The following RPGRIP1 variants were observed in gnomAD, a reference collection of about 807,000 sequenced individuals.
RPGRIP1 encodes X-linked retinitis pigmentosa GTPase regulator-interacting protein 1.
A neutral mutation model predicts 157.9 loss-of-function variants in RPGRIP1; 128 were observed. The ratio of observed to expected loss-of-function variants is 0.81; its 90% CI spans 0.70 to 0.94. RPGRIP1 has a LOEUF of 0.94. RPGRIP1 is among the 40% of genes least tolerant of loss of function. RPGRIP1 has a pLI of 0.00. For missense variants in RPGRIP1, 1,486 were observed against 1,545.8 expected (o/e 0.96, Z 0.65); for synonymous variants, 554 against 571.6 (o/e 0.97, Z 0.44).
Position 21,326,153 on chromosome 14 carries a change from C to CAAAAAAAAAA in RPGRIP1, c.2696_2697insAAAAAAAAAA (p.Asn899LysfsTer5). ...GCCCGAGTGCCTTTACTGCCTCTTG[C>CAAAAAAAAAA]AAAAAATGAATCTATCAAAGGTGGG... On this transcript the variant is annotated frameshift_variant, in exon 17 of 25. Transcript: ENST00000400017. LOFTEE classifies it high-confidence loss of function. 2 of 1,568,394 alleles carry CAAAAAAAAAA rather than the reference C, an allele frequency of 1.3e-6. No homozygotes were observed. The highest frequency in any genetic ancestry group is 1.4e-5 in the African/African-American group (1 of 73,232).
chr14:21,320,672 T>G (rs1594201591), intron 12 of RPGRIP1, among the ~76,000 whole-genome samples: 1 of 146,086 alleles, frequency 6.8e-6, no homozygotes, highest in East Asian at 2.1e-4. Flanking sequence ...CGATCTCGGC[T>G]CACTACAGTC....
rs551718662 is a variant in RPGRIP1, at chr14:21,286,498, A to T, written c.-38-1441A>T. ...AGTAGCCATGCCAAGAGAAATGTTTAAAAAAATAAGAAATTGGGCTGGCTG... is the reference window on the plus strand; with the variant it reads ...AGTAGCCATGCCAAGAGAAATGTTTTAAAAAATAAGAAATTGGGCTGGCTG... On this transcript the variant is annotated intron_variant, in intron 1 of 24. Transcript: ENST00000400017. Among the ~76,000 whole-genome samples, 4 of 149,854 alleles carry T rather than the reference A, an allele frequency of 2.7e-5. No individual in the cohort carries two copies. In the South Asian group the frequency reaches 8.3e-4, roughly 31 times the overall value.
intron 22 of RPGRIP1, 120 bp from the exon 23 acceptor site, chr14:21,344,977 GTCCATGTTATTCTAGA>G (rs1290741946): frequency 3.6e-5 from 23 of 645,636 alleles, no homozygotes; most frequent in Middle Eastern, 6.0e-4. Flanking sequence ...AAAGCAGTTG[GTCCATGTTATTCTAGA>G]TCCAGGCAAG....
intron 2 of RPGRIP1, among the ~76,000 whole-genome samples, chr14:21,293,471 G>C (rs1437082913): frequency 6.6e-6 from 1 of 152,026 alleles, no homozygotes. Flanking sequence ...GGCTGGGCAT[G>C]GTGGCTCATG....
chr14:21,321,403 G>A lies in RPGRIP1; in HGVS notation c.1611+1G>A. ...GCGCAAAATCAACGTGTGTTATCAG[G>A]TGCAAGGAAAGATGGTACAGGAAGG... is the stretch of plus-strand genomic sequence containing the variant. On this transcript the variant is annotated splice_donor_variant, in intron 13 of 24. Coordinates refer to ENST00000400017, the MANE Select transcript of RPGRIP1 (RefSeq NM_020366.4). LOFTEE classifies it high-confidence loss of function. 2 of 1,608,868 alleles carry A rather than the reference G, an allele frequency of 1.2e-6. No homozygotes were observed. The highest frequency in any genetic ancestry group is 1.1e-5 in the South Asian group (1 of 90,016).
chr14:21,332,556 G>A (rs963653624), intron 20 of RPGRIP1, among the ~76,000 whole-genome samples: 1 of 152,152 alleles, frequency 6.6e-6, no homozygotes, highest in Non-Finnish European at 1.5e-5. Flanking sequence ...TAGCTTCAGT[G>A]TATCCAGACC....
rs114197963 is a variant in RPGRIP1 at position 21,288,433 on chromosome 14, G to A, written c.85+372G>A. On this transcript the variant is annotated intron_variant, in intron 2 of 24. Coordinates refer to ENST00000400017, the MANE Select transcript of RPGRIP1 (RefSeq NM_020366.4). ...TGACCTCAAGGGATCTGCCCTCCTCGGGCTCCCAAAGGGCTGGTATTACAG... is the reference window on the plus strand; with the variant it reads ...TGACCTCAAGGGATCTGCCCTCCTCAGGCTCCCAAAGGGCTGGTATTACAG... Among the ~76,000 whole-genome samples, 850 of 151,666 alleles carry A rather than the reference G, an allele frequency of 5.6e-3. 6 individuals carry two copies. Among genetic ancestry groups the A allele is most frequent in the African/African-American group, 0.019 (775 of 41,380 alleles).
At position 21,312,446 on chromosome 14, in the gene RPGRIP1, T is replaced by A. The variant is rs763245499; in HGVS notation, c.1091T>A (p.Val364Asp). The A allele has an allele frequency of 6.2e-7, 1 of 1,607,882 alleles. No homozygotes were observed. The highest frequency in any genetic ancestry group is 8.5e-7 in the Non-Finnish European group (1 of 1,175,610). The change falls in exon 10 of 25, where the codon GTT becomes GAT. Residue 364 changes from valine (V) to aspartate (D), a missense_variant. Coordinates refer to ENST00000400017, the MANE Select transcript of RPGRIP1 (RefSeq NM_020366.4). ...TATCACTCTTAGTTTCAGGAGAGAG[T>A]TGAAGATTTGGAAAAAGAACGAAAA... ...QMTLKEFQER[V>D]EDLEKERKLL...
chr14:21,293,559 A>G (rs750533554), intron 2 of RPGRIP1, among the ~76,000 whole-genome samples: 5 of 151,962 alleles, frequency 3.3e-5, no homozygotes, highest in Non-Finnish European at 7.4e-5. Context: ...CCTGGCCAAC[A>G]TGGTGAAACC....
rs760127895 is a variant in RPGRIP1, at chr14:21,296,378, A to AT, written c.218+1584dup. Among the ~76,000 whole-genome samples the AT allele has an allele frequency of 7.6e-3, 1,084 of 142,900 alleles. 12 individuals are homozygous for AT. The highest frequency in any genetic ancestry group is 0.041 in the East Asian group (198 of 4,880). 93.7% of individuals were successfully genotyped at this position (142,900 alleles called of 152,430 possible). On this transcript the variant is annotated intron_variant, in intron 3 of 24. Transcript: ENST00000400017. ...CACTGTGCCCAGCCATGCCTGGCTA[A>AT]TTTTTTTTTTTTTTTAGTAGAGATG...
In RPGRIP1 at chr14:21,348,339, G is replaced by A. The variant is rs994356297; in HGVS notation, c.3748+37G>A. 21 of 1,464,634 alleles carry A rather than the reference G, an allele frequency of 1.4e-5. No individual in the cohort carries two copies. In the African/African-American group the frequency reaches 2.0e-4, roughly 14 times the overall value. The allele number at this position is 1,464,634 out of a possible 1,614,324, so 90.7% of individuals were successfully genotyped here. A position where few individuals can be genotyped will look rare whatever the true frequency, so the allele number is the denominator to read the frequency against. Reference sequence around the variant, plus strand: ...TTTTTTCAGTTCTAATTATTTCCAAGGAAATCATCCTAATAGTGAATATAT... The same window carrying A: ...TTTTTTCAGTTCTAATTATTTCCAAAGAAATCATCCTAATAGTGAATATAT... On this transcript the variant is annotated intron_variant, in intron 24 of 24. Coordinates refer to ENST00000400017, the MANE Select transcript of RPGRIP1 (RefSeq NM_020366.4).
chr14:21,288,666 C>T (rs1880397042), intron 2 of RPGRIP1, among the ~76,000 whole-genome samples: 1 of 151,456 alleles, frequency 6.6e-6, no homozygotes, highest in Non-Finnish European at 1.5e-5. Context: ...AGGTGGCCAC[C>T]ACCACGCTTG....
chr14:21,340,761 A>G (rs1566363053), intron 21 of RPGRIP1, among the ~76,000 whole-genome samples: 1 of 152,140 alleles, frequency 6.6e-6, no homozygotes, highest in Non-Finnish European at 1.5e-5. Flanking sequence ...ACATTTCTGC[A>G]GTATCCAATA....
chr14:21,314,105 G>A (rs1426313288), intron 10 of RPGRIP1, among the ~76,000 whole-genome samples: 1 of 151,782 alleles, frequency 6.6e-6, no homozygotes, highest in Non-Finnish European at 1.5e-5. Flanking sequence ...ACACCACCAT[G>A]CCTGGCTAAT....
At position 21,316,801 on chromosome 14, in the gene RPGRIP1, C is replaced by T. The variant is rs574909632; in HGVS notation, c.1152-895C>T. Among the ~76,000 whole-genome samples, 3 of 152,090 alleles carry T rather than the reference C, an allele frequency of 2.0e-5. No homozygotes were observed. The South Asian group carries it at 6.3e-4, about 32-fold the overall frequency. On this transcript the variant is annotated intron_variant, in intron 10 of 24. Coordinates refer to ENST00000400017, the MANE Select transcript of RPGRIP1 (RefSeq NM_020366.4). ...GAAATAATTGTTTGATTATTAGTGT[C>T]ATTTCATTTGTATGAATGACCAAGA...
chr14:21,294,330 A>C (rs1161136671), intron 2 of RPGRIP1, among the ~76,000 whole-genome samples: 1 of 151,602 alleles, frequency 6.6e-6, no homozygotes, highest in Non-Finnish European at 1.5e-5. Context: ...TCCCAGGCTC[A>C]AGCAATTCTC....
At chr14:21,322,093 C>A in intron 14 of RPGRIP1, 89 bp downstream of exon 14, 1 of 1,053,900 alleles carries the variant, frequency 9.5e-7, no homozygotes, top group Non-Finnish European at 1.4e-6. Context: ...AAGAAGGGTG[C>A]CTCTCATACC....
Position 21,328,469 on chromosome 14 carries a change from C to T in RPGRIP1, c.2941C>T (p.Arg981Ter), listed in dbSNP as rs780667159. 6.8e-6 allele frequency: 11 copies of T among 1,613,552 alleles called. No individual in the cohort carries two copies. Among genetic ancestry groups the T allele is most frequent in the South Asian group, 1.1e-5 (1 of 91,048 alleles). The change falls in exon 19 of 25, where the codon CGA (arginine) becomes TGA (stop). Residue 981 changes from arginine to a stop codon, truncating the protein, a stop_gained. Coordinates refer to ENST00000400017, the MANE Select transcript of RPGRIP1 (RefSeq NM_020366.4). LOFTEE classifies it high-confidence loss of function. ...PEVPIEAGQY[R>*]SKRKPPHGGE... ...GGTTCCCATTGAAGCTGGCCAGTAT[C>T]GATCTAAGAGAAAACCTCCTCATGG... is the stretch of plus-strand genomic sequence containing the variant.
intron 6 of RPGRIP1, among the ~76,000 whole-genome samples, chr14:21,306,764 CTATTAT>C (rs542003517): frequency 8.3e-5 from 12 of 144,290 alleles, no homozygotes; most frequent in Admixed American, 1.4e-4. Flanking sequence ...GTGTATTTTA[CTATTAT>C]TATTATTATT....
Sources: gnomAD v4.1 joint callset for allele counts (sites outside exome capture counted in the v4.1 genomes callset) on GRCh38, gnomAD v4.1.1 for gene constraint, MANE v1.5 for transcripts, NCBI Gene and HGNC (gene_info 2026-07-23, HGNC 2026-07-21) for gene names.